Variants in ZNF804A observed in about 807,000 individuals in gnomAD.
The protein encoded by ZNF804A is zinc finger protein 804A.
In ZNF804A, 2 loss-of-function variants were observed where a neutral mutation model predicts 16.5. The ratio of observed to expected loss-of-function variants is 0.12; its 90% CI spans 0.05 to 0.38. The LOEUF is 0.38. Ranked by LOEUF, ZNF804A falls within the 10% of genes least tolerant of loss-of-function variation. ZNF804A has a pLI of 0.99. For missense variants in ZNF804A, 1,473 were observed against 1,390.7 expected (o/e 1.06, Z -0.94); for synonymous variants, 534 against 489.6 (o/e 1.09, Z -1.20).
chr2:184,903,945 A>G (rs923097337), intron 2 of ZNF804A, among the ~76,000 whole-genome samples: 2 of 152,110 alleles, frequency 1.3e-5, no homozygotes, highest in Admixed American at 6.6e-5. Flanking sequence ...CTGTTTGCAG[A>G]TGATGATCTT....
intron 1 of ZNF804A, among the ~76,000 whole-genome samples, chr2:184,715,853 T>G (rs1232446673): frequency 6.6e-6 from 1 of 152,190 alleles, no homozygotes; most frequent in Non-Finnish European, 1.5e-5. Context: ...ATGTTTACAT[T>G]GTTAGTTTTT....
chr2:184,731,784 AGGCTGATCTCGAACTTTTGGTCCC>A, intron 1 of ZNF804A, among the ~76,000 whole-genome samples: 1 of 152,028 alleles, frequency 6.6e-6, no homozygotes, highest in East Asian at 1.9e-4. Flanking sequence ...TATGTAGTCC[AGGCTGATCTCGAACTTTTGGTCCC>A]AAATGATTCT....
chr2:184,871,700 A>G (rs192972016), intron 2 of ZNF804A, among the ~76,000 whole-genome samples: 104 of 152,192 alleles, frequency 6.8e-4, no homozygotes, highest in African/African-American at 2.4e-3. Flanking sequence ...TATAATGAAC[A>G]TGTAGAAATG....
At chr2:184,798,006 ATGTGTGTGTG>A (rs58199746) in intron 1 of ZNF804A, among the ~76,000 whole-genome samples, 48 of 133,256 alleles carry the variant, frequency 3.6e-4, no homozygotes, top group African/African-American at 5.9e-4. Flanking sequence ...TGGCTGATAT[ATGTGTGTGTG>A]TGTGTGTGTG....
intron 1 of ZNF804A, among the ~76,000 whole-genome samples, chr2:184,739,560 A>AT (rs1482355815): frequency 6.6e-6 from 1 of 151,718 alleles, no homozygotes; most frequent in Non-Finnish European, 1.5e-5. Context: ...AGCCTGGCTC[A>AT]TTTTTTTTAT....
intron 2 of ZNF804A, among the ~76,000 whole-genome samples, chr2:184,873,484 TAAAC>T (rs746255665): frequency 3.9e-5 from 6 of 152,248 alleles, no homozygotes; most frequent in South Asian, 2.1e-4. Context: ...CAAGAACCTG[TAAAC>T]AAACAAACAA....
At chr2:184,916,073 T>C (rs1175509865) in intron 2 of ZNF804A, among the ~76,000 whole-genome samples, 1 of 152,196 alleles carries the variant, frequency 6.6e-6, no homozygotes, top group East Asian at 1.9e-4. Flanking sequence ...GAGTTGGTGA[T>C]TGAGTTGTAA....
At chr2:184,604,082 C>A (rs558766897) in intron 1 of ZNF804A, among the ~76,000 whole-genome samples, 20 of 140,742 alleles carry the variant, frequency 1.4e-4, no homozygotes, top group African/African-American at 5.3e-4. Flanking sequence ...ATTTGAATAG[C>A]GATATAATGT....
At chr2:184,603,543 G>C (rs1391233423) in intron 1 of ZNF804A, among the ~76,000 whole-genome samples, 2 of 152,122 alleles carry the variant, frequency 1.3e-5, no homozygotes, top group African/African-American at 4.8e-5. Context: ...CTTGGAGAAT[G>C]TAATTTAAAA....
At chr2:184,773,259 G>T (rs1049335285) in intron 1 of ZNF804A, among the ~76,000 whole-genome samples, 1 of 151,150 alleles carries the variant, frequency 6.6e-6, no homozygotes, top group Non-Finnish European at 1.5e-5. Context: ...TTAGATTTTT[G>T]TTTGTTTGTT....
chr2:184,693,668 A>C lies in ZNF804A; in HGVS notation c.111+94598A>C, dbSNP rs375576058. Among the ~76,000 whole-genome samples the C allele has an allele frequency of 3.9e-5, 6 of 152,280 alleles. No individual in the cohort carries two copies. In the East Asian group the frequency reaches 9.7e-4, roughly 25 times the overall value. On this transcript the variant is annotated intron_variant, in intron 1 of 3. Coordinates refer to ENST00000302277, the MANE Select transcript of ZNF804A (RefSeq NM_194250.2). ...TAAATTTAAATCCACTTAAAAAGAT[A>C]ATAGTTCCTATATGTGCCTATGCAT...
intron 1 of ZNF804A, among the ~76,000 whole-genome samples, chr2:184,659,413 T>A (rs1209051247): frequency 6.6e-6 from 1 of 152,176 alleles, no homozygotes; most frequent in African/African-American, 2.4e-5. Context: ...AGATACTTTA[T>A]ATGCACATTT....
At chr2:184,836,779 C>G (rs895981098) in intron 1 of ZNF804A, among the ~76,000 whole-genome samples, 2 of 151,730 alleles carry the variant, frequency 1.3e-5, no homozygotes, top group Non-Finnish European at 2.9e-5. Flanking sequence ...TTCTTAATCT[C>G]TCTTTATATT....
chr2:184,604,260 T>C (rs951056131), intron 1 of ZNF804A, among the ~76,000 whole-genome samples: 11 of 135,580 alleles, frequency 8.1e-5, no homozygotes, highest in South Asian at 7.8e-4. Context: ...AAGCTCCGCC[T>C]CCCGGGTTCA....
At chr2:184,709,104 A>G (rs1482669241) in intron 1 of ZNF804A, among the ~76,000 whole-genome samples, 1 of 152,148 alleles carries the variant, frequency 6.6e-6, no homozygotes, top group Non-Finnish European at 1.5e-5. Flanking sequence ...ATACATCACC[A>G]TGTGAAATGA....
intron 1 of ZNF804A, among the ~76,000 whole-genome samples, chr2:184,608,474 T>C (rs1423446066): frequency 6.6e-6 from 1 of 152,150 alleles, no homozygotes; most frequent in Non-Finnish European, 1.5e-5. Flanking sequence ...TCATAATGGC[T>C]GGCAGAGGGA....
chr2:184,656,907 A>G (rs1282237458), intron 1 of ZNF804A, among the ~76,000 whole-genome samples: 1 of 152,062 alleles, frequency 6.6e-6, no homozygotes, highest in Non-Finnish European at 1.5e-5. Flanking sequence ...CTCTTTCAAA[A>G]TGTTCTGCCA....
In ZNF804A at chr2:184,937,732, A is replaced by G; in HGVS notation, c.2336A>G (p.Tyr779Cys). The G allele has an allele frequency of 1.2e-6, 2 of 1,614,036 alleles. No individual in the cohort carries two copies. Among genetic ancestry groups the G allele is most frequent in the Non-Finnish European group, 1.7e-6 (2 of 1,179,972 alleles). ...YRKRRQHSHS[Y>C]SSDESLNRQN... is the part of the protein sequence containing the mutation. ...AAACGTAGACAACATTCACATTCTT[A>G]TTCTTCAGATGAAAGTTTAAATCGA... is the stretch of plus-strand genomic sequence containing the variant. Residue 779 changes from tyrosine (Y) to cysteine (C), a missense_variant, in exon 4 of 4, where the codon TAT (tyrosine) becomes TGT (cysteine). Transcript: ENST00000302277.
Position 184,600,802 on chromosome 2 carries a change from G to C in ZNF804A, c.111+1732G>C, listed in dbSNP as rs1160187013. Among the ~76,000 whole-genome samples, 17 of 152,152 alleles carry C rather than the reference G, an allele frequency of 1.1e-4. No individual in the cohort carries two copies. The South Asian group carries it at 2.3e-3, about 20-fold the overall frequency. On this transcript the variant is annotated intron_variant, in intron 1 of 3. Coordinates refer to ENST00000302277, the MANE Select transcript of ZNF804A (RefSeq NM_194250.2). ...AACAATAGTTGAATTTGCTTATGCT[G>C]ATGTGTTTGTTGTGTGTTTGGAGTT...
Sources: gnomAD v4.1 joint callset for allele counts (sites outside exome capture counted in the v4.1 genomes callset) on GRCh38, gnomAD v4.1.1 for gene constraint, MANE v1.5 for transcripts, NCBI Gene and HGNC (gene_info 2026-07-23, HGNC 2026-07-21) for gene names.